Variants in TEN1 observed in about 807,000 individuals in gnomAD.
TEN1 encodes CST complex subunit TEN1.
TEN1 carries 6 observed loss-of-function variants against 9.3 expected under a neutral mutation model. The observed-to-expected ratio is 0.65, with a 90% confidence interval of 0.35 to 1.27. TEN1 has a LOEUF of 1.27. TEN1 is among the 50% of genes most tolerant of loss of function. The pLI is 0.03. For synonymous variants in TEN1, 65 were observed against 65.6 expected, an observed-to-expected ratio of 0.99 and a Z score of 0.04; for missense variants, 149 against 158.2, an observed-to-expected ratio of 0.94 and a Z score of 0.31.
intron 3 of TEN1, among the ~76,000 whole-genome samples, chr17:75,994,441 A>G (rs1302429579): frequency 5.9e-5 from 9 of 151,358 alleles, no homozygotes; most frequent in East Asian, 2.0e-4. Context: ...TCTCAAAAAA[A>G]AAAAAGAAAA....
At chr17:75,987,786 G>A (rs183089715) in intron 2 of TEN1, among the ~76,000 whole-genome samples, 2 of 151,750 alleles carry the variant, frequency 1.3e-5, no homozygotes, top group South Asian at 2.1e-4. Context: ...GCTTGGTGGT[G>A]GGTGCCTATA....
chr17:75,994,434 CAA>C (rs372733441), intron 3 of TEN1, among the ~76,000 whole-genome samples: 1 of 136,510 alleles, frequency 7.3e-6, no homozygotes. Context: ...AACTCCGTCT[CAA>C]AAAAAAAAAA....
At chr17:75,986,080 A>C in intron 1 of TEN1, 107 bp from the exon 2 acceptor site, 1 of 872,106 alleles carries the variant, frequency 1.1e-6, no homozygotes, top group South Asian at 2.1e-5. Flanking sequence ...GCCTACTGGA[A>C]TTAGTCTTCA....
chr17:75,999,760 C>T (rs565113403), intron 3 of TEN1, among the ~76,000 whole-genome samples: 38 of 152,138 alleles, frequency 2.5e-4, no homozygotes, highest in Non-Finnish European at 3.8e-4. Context: ...TAGAAGCCCC[C>T]CTCGTCCAGG....
At chr17:75,991,686 C>G in intron 3 of TEN1, 63 bp downstream of exon 3, 1 of 1,512,392 alleles carries the variant, frequency 6.6e-7, no homozygotes, top group South Asian at 1.2e-5. Context: ...GTCTTCGGGG[C>G]AGTCAGTGAG....
Position 75,979,285 on chromosome 17 carries a change from C to G in TEN1, c.-233C>G, listed in dbSNP as rs1160954868. 1 of 680,600 alleles carries G rather than the reference C, an allele frequency of 1.5e-6. No individual in the cohort carries two copies. The allele number at this position is 680,600 out of a possible 1,614,324, so 42.2% of individuals were successfully genotyped here. Reference sequence around the variant, plus strand: ...GCGGCCCAGACAGAGGGGGCGATGTCCGCGTCGTGGCTGGGGCCGGTCGCG... The same window carrying G: ...GCGGCCCAGACAGAGGGGGCGATGTGCGCGTCGTGGCTGGGGCCGGTCGCG... On this transcript the variant is annotated 5_prime_UTR_variant, in exon 1 of 4. Transcript: ENST00000397640.
intron 3 of TEN1, among the ~76,000 whole-genome samples, chr17:75,997,723 C>T (rs190074273): frequency 1.3e-5 from 2 of 152,304 alleles, no homozygotes; most frequent in East Asian, 3.9e-4. Context: ...GACCTTCCCT[C>T]CCTTTGCAGA....
chr17:75,995,531 TAAG>T (rs926946938), intron 3 of TEN1, among the ~76,000 whole-genome samples: 14 of 152,298 alleles, frequency 9.2e-5, no homozygotes, highest in Admixed American at 7.2e-4. Flanking sequence ...AAGAGCTAGC[TAAG>T]AAGACCAACA....
Position 75,991,587 on chromosome 17 carries a change from C to T in TEN1, c.214C>T (p.Leu72=), listed in dbSNP as rs983917850. The change falls in exon 3 of 4, where the codon CTG becomes TTG. Residue 72 remains leucine, a synonymous_variant. Transcript: ENST00000397640. ...GCCCTTCCACGCCCAGGTGGGCTCC[C>T]TGTACATCGTCCTCGGGGAGCTCCA... ...VEPFHAQVGS[L]YIVLGELQHQ... 2.6e-6 allele frequency: 4 copies of T among 1,552,014 alleles called. No homozygotes were observed. In the Admixed American group the frequency reaches 7.8e-5, roughly 30 times the overall value.
intron 3 of TEN1, among the ~76,000 whole-genome samples, chr17:75,997,734 C>T (rs1598217615): frequency 6.6e-6 from 1 of 152,148 alleles, no homozygotes; most frequent in East Asian, 1.9e-4. Context: ...CCTTTGCAGA[C>T]AAACCTCCTA....
intron 3 of TEN1, among the ~76,000 whole-genome samples, chr17:75,996,722 A>AAAGAG (rs1567899236): frequency 1.4e-5 from 2 of 141,424 alleles, no homozygotes; most frequent in African/African-American, 6.0e-5. Context: ...AAAAAAAAAA[A>AAAGAG]AGAGAGAGAG....
chr17:75,997,575 C>T (rs1020458162), intron 3 of TEN1, among the ~76,000 whole-genome samples: 6 of 152,148 alleles, frequency 3.9e-5, no homozygotes, highest in African/African-American at 1.2e-4. Flanking sequence ...TAAGAGGAAG[C>T]GGGGTCCCTC....
chr17:75,989,266 AT>A lies in TEN1; in HGVS notation c.93-2189del, dbSNP rs1258071557. Among the ~76,000 whole-genome samples the A allele has an allele frequency of 5.2e-4, 74 of 142,676 alleles. No individual in the cohort carries two copies. The East Asian group carries it at 6.4e-3, about 12-fold the overall frequency. 93.6% of individuals were successfully genotyped at this position (142,676 alleles called of 152,430 possible). ...AGGCACCTGCCACCACGCCCGGCTAATTTTTTTTTTTGTTTTTTTTTTGTTT... is the reference window on the plus strand; with the variant it reads ...AGGCACCTGCCACCACGCCCGGCTAATTTTTTTTTTGTTTTTTTTTTGTTT... On this transcript the variant is annotated intron_variant, in intron 2 of 3. Transcript: ENST00000397640.
At chr17:75,989,102 C>CTT (rs1469975408) in intron 2 of TEN1, among the ~76,000 whole-genome samples, 4 of 149,530 alleles carry the variant, frequency 2.7e-5, no homozygotes, top group East Asian at 4.0e-4. Context: ...ATTTTCTTTT[C>CTT]TTTTTTTCTT....
At chr17:75,987,746 G>A (rs1212437459) in intron 2 of TEN1, among the ~76,000 whole-genome samples, 2 of 151,588 alleles carry the variant, frequency 1.3e-5, no homozygotes, top group Admixed American at 6.6e-5. Context: ...GCGAAACCCT[G>A]TCTCTACTAA....
At chr17:75,984,318 T>C (rs2066139317) in intron 1 of TEN1, among the ~76,000 whole-genome samples, 2 of 152,196 alleles carry the variant, frequency 1.3e-5, no homozygotes, top group African/African-American at 4.8e-5. Context: ...GGCTGTACAA[T>C]GTGTTCCTTG....
At chr17:75,991,741 T>G in intron 3 of TEN1, 118 bp downstream of exon 3, 1 of 1,265,544 alleles carries the variant, frequency 7.9e-7, no homozygotes, top group Non-Finnish European at 1.1e-6. Flanking sequence ...AGGGTTAATG[T>G]TTCTTCCAAA....
At chr17:75,991,715 A>G in intron 3 of TEN1, 92 bp downstream of exon 3, 1 of 1,384,716 alleles carries the variant, frequency 7.2e-7, no homozygotes, top group Non-Finnish European at 9.7e-7. Context: ...TCGTGACCCA[A>G]CAGCAATGTC....
chr17:75,998,337 G>A (rs2066229971), intron 3 of TEN1, among the ~76,000 whole-genome samples: 1 of 151,676 alleles, frequency 6.6e-6, no homozygotes, highest in Non-Finnish European at 1.5e-5. Flanking sequence ...GTAGAGACAG[G>A]GTTTTCGCTT....
Sources: gnomAD v4.1 joint callset for allele counts (sites outside exome capture counted in the v4.1 genomes callset) on GRCh38, gnomAD v4.1.1 for gene constraint, MANE v1.5 for transcripts, NCBI Gene and HGNC (gene_info 2026-07-23, HGNC 2026-07-21) for gene names.